The following SH3BP1 variants were observed in gnomAD, a reference collection of about 807,000 sequenced individuals.
SH3BP1 encodes the protein SH3 domain binding protein 1.
A neutral mutation model predicts 69.8 loss-of-function variants in SH3BP1; 46 were observed. The observed-to-expected ratio is 0.66, with a 90% CI of 0.52 to 0.84. The LOEUF (loss-of-function observed/expected upper bound fraction) is 0.84. Ranked by LOEUF, SH3BP1 falls within the 40% of genes least tolerant of loss-of-function variation. The pLI is 0.00. For synonymous variants in SH3BP1, 403 were observed against 378.0 expected, an observed-to-expected ratio of 1.07 and a Z score of -0.77; for missense variants, 868 against 930.9, an observed-to-expected ratio of 0.93 and a Z score of 0.88.
intron 14 of SH3BP1, 132 bp from the exon 15 acceptor site, chr22:37,650,020 G>A: frequency 2.1e-6 from 2 of 941,676 alleles, no homozygotes; most frequent in Non-Finnish European, 3.5e-6. Flanking sequence ...ACCATCAACT[G>A]GTGGTTTGTG....
At position 37,642,594 on chromosome 22, in the gene SH3BP1, T is replaced by C. The variant is rs1932639460; in HGVS notation, c.263T>C (p.Leu88Pro). The C allele has an allele frequency of 6.2e-7, 1 of 1,613,388 alleles. No individual in the cohort carries two copies. Among genetic ancestry groups the C allele is most frequent in the Non-Finnish European group, 8.5e-7 (1 of 1,179,998 alleles). The change falls in exon 4 of 18, where the codon CTG becomes CCG. Residue 88 changes from leucine (L) to proline (P), a missense_variant. Around this residue, in one of 3 missense-constraint regions of SH3BP1, gnomAD observed 387 missense variants for 447.9 expected, o/e 0.86. Coordinates refer to ENST00000649765, the MANE Select transcript of SH3BP1 (RefSeq NM_018957.6). ...STTMAESFKE[L>P]DPDSSMGKAL... is the part of the protein sequence containing the mutation. ...ACGATGGCTGAGAGCTTCAAGGAGC[T>C]GGACCCTGATTCCAGCATGGGGTGA...
Position 37,646,857 on chromosome 22 carries a change from C to A in SH3BP1, c.964C>A (p.Arg322Ser). 1 of 1,562,884 alleles carries A rather than the reference C, an allele frequency of 6.4e-7. No homozygotes were observed. ...RLAAGASVLK[R>S]LKQTMASDPH... ...GGCTGCTGGGGCCTCGGTGCTGAAG[C>A]GTCTCAAGCAGACAATGGCCTCGGA... Residue 322 changes from arginine (R) to serine (S), a missense_variant, in exon 11 of 18, where the codon CGT (arginine) becomes AGT (serine). This residue lies in a region of SH3BP1 where 387 missense variants were observed against 447.9 expected (regional missense o/e 0.86). Transcript: ENST00000649765.
chr22:37,647,612 G>GC, intron 13 of SH3BP1, 91 bp downstream of exon 13: 3 of 914,506 alleles, frequency 3.3e-6, no homozygotes, highest in Non-Finnish European at 4.8e-6. Flanking sequence ...GCCTGGCCTT[G>GC]CCACTGTATC....
At position 37,650,178 on chromosome 22, in the gene SH3BP1, C is replaced by G; in HGVS notation, c.1343C>G (p.Ser448Cys). The stretch of plus-strand genomic sequence containing the variant: ...GACCAGGCCCAGCTGGATGCAGCCT[C>G]CGTGTCTTCCATCCAGGTGGTGGGC... ...EGDQAQLDAA[S>C]VSSIQVVGVV... Residue 448 changes from serine (S) to cysteine (C), a missense_variant, in exon 15 of 18, where the codon TCC (serine) becomes TGC (cysteine). By Grantham distance (112) the Ser-to-Cys change is moderately radical. Coordinates refer to ENST00000649765, the MANE Select transcript of SH3BP1 (RefSeq NM_018957.6). 3.1e-6 allele frequency: 5 copies of G among 1,614,140 alleles called. No individual in the cohort carries two copies. Among genetic ancestry groups the G allele is most frequent in the Non-Finnish European group, 4.2e-6 (5 of 1,180,032 alleles).
At chr22:37,648,637 T>C (rs1386134916) in intron 14 of SH3BP1, 1 of 549,746 alleles carries the variant, frequency 1.8e-6, no homozygotes, top group African/African-American at 1.9e-5. Flanking sequence ...TCTGGCATTT[T>C]GGCCAGTGGT....
intron 10 of SH3BP1, among the ~76,000 whole-genome samples, chr22:37,646,070 G>A (rs1258326992): frequency 1.3e-5 from 2 of 150,138 alleles, no homozygotes; most frequent in East Asian, 2.0e-4. Flanking sequence ...GGGTTCAAGC[G>A]ATTCTCCTGC....
intron 12 of SH3BP1, 28 bp from the exon 13 acceptor site, chr22:37,647,413 G>T: frequency 6.2e-7 from 1 of 1,611,150 alleles, no homozygotes; most frequent in Non-Finnish European, 8.5e-7. Flanking sequence ...CCCTGCGCTG[G>T]CTGACAGGTC....
In SH3BP1 at chr22:37,655,894, AC is replaced by A. The variant is rs751673875; in HGVS notation, c.*217del. On this transcript the variant is annotated 3_prime_UTR_variant, in exon 18 of 18. Transcript: ENST00000649765. ...TTCCTCGTCCACCCTGGGCTTGGGG[AC>A]CCCCCCACCGGACTCTCCACTCTCC... 5.8e-6 allele frequency: 9 copies of A among 1,551,688 alleles called. No homozygotes were observed. Among genetic ancestry groups the A allele is most frequent in the Admixed American group, 1.9e-5 (1 of 54,034 alleles).
chr22:37,641,261 G>T (rs898288243), intron 2 of SH3BP1, 93 bp downstream of exon 2: 2 of 1,511,572 alleles, frequency 1.3e-6, no homozygotes, highest in Admixed American at 3.9e-5. Context: ...AGGGGCCTGG[G>T]TTGAGTCATT....
Position 37,655,379 on chromosome 22 carries a change from A to AC in SH3BP1, c.1807dup (p.Gln603ProfsTer57), listed in dbSNP as rs1253988905. 8.2e-6 allele frequency: 9 copies of AC among 1,095,192 alleles called. No individual in the cohort carries two copies. Among genetic ancestry groups the AC allele is most frequent in the Admixed American group, 6.1e-5 (2 of 32,936 alleles). The allele number at this position is 1,095,192 out of a possible 1,614,324, so 67.8% of individuals were successfully genotyped here. A position where few individuals can be genotyped will look rare whatever the true frequency, so the allele number is the denominator to read the frequency against. On this transcript the variant is annotated frameshift_variant, in exon 18 of 18. Transcript: ENST00000649765. LOFTEE classifies it low-confidence loss of function (END_TRUNC). ...GCCCCCTGGCTCTGGCAGCCCTGGGACCCCCCAAGCCCTGCCCCGACGTCT... is the reference window on the plus strand; with the variant it reads ...GCCCCCTGGCTCTGGCAGCCCTGGGACCCCCCCAAGCCCTGCCCCGACGTCT...
intron 17 of SH3BP1, 49 bp from the exon 18 acceptor site, chr22:37,655,223 A>G: frequency 7.1e-7 from 1 of 1,405,652 alleles, no homozygotes; most frequent in East Asian, 2.4e-5. Context: ...TGGATTCACC[A>G]CAGGCCACGT....
Position 37,643,088 on chromosome 22 carries a change from C to A in SH3BP1, c.397-10C>A. 1 of 1,610,824 alleles carries A rather than the reference C, an allele frequency of 6.2e-7. No individual in the cohort carries two copies. ...CCCCAGCACACTGACCCCCCCATGC[C>A]CATCCCCAGGAGGAGCTGCCAGCCA... On this transcript the variant is annotated splice_polypyrimidine_tract_variant and intron_variant, in intron 5 of 17. Transcript: ENST00000649765.
In SH3BP1 at chr22:37,655,512, C is replaced by A; in HGVS notation, c.1934C>A (p.Ala645Asp). Residue 645 changes from alanine (A) to aspartate (D), a missense_variant, in exon 18 of 18, where the codon GCC becomes GAC. Around this residue, in one of 3 missense-constraint regions of SH3BP1, gnomAD observed 474 missense variants for 462.3 expected, o/e 1.03. Coordinates refer to ENST00000649765, the MANE Select transcript of SH3BP1 (RefSeq NM_018957.6). ...CGTTCACCAGCCTCCCCCAGCCCGG[C>A]CTCCCCAGGTCCAGCCTCCCCCAGC... ...SRRSPASPSP[A>D]SPGPASPSPV... The A allele has an allele frequency of 6.3e-7, 1 of 1,576,836 alleles. No individual in the cohort carries two copies. The highest frequency in any genetic ancestry group is 8.6e-7 in the Non-Finnish European group (1 of 1,162,722).
intron 10 of SH3BP1, among the ~76,000 whole-genome samples, chr22:37,645,846 G>A (rs145964232): frequency 5.5e-4 from 84 of 152,222 alleles, no homozygotes; most frequent in East Asian, 3.9e-3. Context: ...TGGATCTGCT[G>A]TGAATACATT....
At position 37,641,325 on chromosome 22, in the gene SH3BP1, A is replaced by G. The variant is rs779027810; in HGVS notation, c.103-49A>G. 5.8e-6 allele frequency: 9 copies of G among 1,538,688 alleles called. No homozygotes were observed. In the South Asian group the frequency reaches 9.5e-5, roughly 16 times the overall value. On this transcript the variant is annotated intron_variant, in intron 2 of 17. Coordinates refer to ENST00000649765, the MANE Select transcript of SH3BP1 (RefSeq NM_018957.6). ...GGGGACAGGAGAAAGTTTCCTGCTCAGGGGGAGACAGCCTCTCTTGATCCT... is the reference window on the plus strand; with the variant it reads ...GGGGACAGGAGAAAGTTTCCTGCTCGGGGGGAGACAGCCTCTCTTGATCCT...
chr22:37,646,969 G>C (rs1932796402), intron 11 of SH3BP1, 40 bp downstream of exon 11: 1 of 1,378,702 alleles, frequency 7.3e-7, no homozygotes, highest in South Asian at 1.4e-5. Flanking sequence ...GGTTGGGGGG[G>C]AGGGGGTGCA....
At chr22:37,649,145 C>G (rs1272338720) in intron 14 of SH3BP1, among the ~76,000 whole-genome samples, 1 of 152,024 alleles carries the variant, frequency 6.6e-6, no homozygotes, top group Admixed American at 6.6e-5. Context: ...ACTTTGAGGG[C>G]TTTTGCTTTG....
intron 10 of SH3BP1, among the ~76,000 whole-genome samples, chr22:37,646,262 C>G (rs1601584608): frequency 6.8e-6 from 1 of 146,208 alleles, no homozygotes. Context: ...TGCGCCCGAC[C>G]CTTTTTTTTT....
intron 7 of SH3BP1, 65 bp downstream of exon 7, chr22:37,643,853 A>G (rs1932708433): frequency 6.3e-7 from 1 of 1,585,002 alleles, no homozygotes; most frequent in Admixed American, 1.7e-5. Flanking sequence ...CCCATCTCAC[A>G]GGCAAGGAAG....
Sources: allele counts gnomAD v4.1 joint callset (sites outside exome capture counted in the v4.1 genomes callset), GRCh38; gene constraint gnomAD v4.1.1; regional missense constraint gnomAD v4.1.1; transcripts MANE v1.5; gene names NCBI Gene and HGNC (gene_info 2026-07-23, HGNC 2026-07-21).